Variants in MDGA2 observed in about 807,000 individuals in gnomAD.
MDGA2 encodes the protein MAM domain containing glycosylphosphatidylinositol anchor 2, also known as MAM domain-containing glycosylphosphatidylinositol anchor protein 2.
A neutral mutation model predicts 117.8 loss-of-function variants in MDGA2; 40 were observed. That is an observed-to-expected ratio of 0.34 (90% CI 0.26 to 0.44). The LOEUF is 0.44. Among genes scored for constraint, MDGA2 ranks in the 20% least tolerant of loss-of-function variants. MDGA2 has a pLI of 1.00. For missense variants in MDGA2, 1,123 were observed against 1,250.6 expected (o/e 0.90, Z 1.54); for synonymous variants, 452 against 439.0 (o/e 1.03, Z -0.37).
intron 9 of MDGA2, among the ~76,000 whole-genome samples, chr14:46,924,595 T>C (rs1028099191): frequency 1.3e-5 from 2 of 152,014 alleles, no homozygotes; most frequent in African/African-American, 4.8e-5. Flanking sequence ...AGACAATACA[T>C]AGCTAATACA....
intron 2 of MDGA2, among the ~76,000 whole-genome samples, chr14:47,295,124 T>G (rs1889019907): frequency 6.6e-6 from 1 of 152,226 alleles, no homozygotes; most frequent in African/African-American, 2.4e-5. Flanking sequence ...CTTTCAAAAA[T>G]ATTTTAGTGA....
chr14:46,848,921 C>T (rs893350486), intron 15 of MDGA2, among the ~76,000 whole-genome samples: 3 of 151,966 alleles, frequency 2.0e-5, no homozygotes, highest in Admixed American at 2.0e-4. Context: ...ATGAATATTT[C>T]ACCCCTTGGT....
chr14:47,650,166 C>T (rs1051065167), intron 1 of MDGA2, among the ~76,000 whole-genome samples: 2 of 151,620 alleles, frequency 1.3e-5, no homozygotes, highest in African/African-American at 4.8e-5. Flanking sequence ...CAAACTGAGA[C>T]ATCATGTTTT....
At chr14:47,509,523 G>A (rs1894593927) in intron 1 of MDGA2, among the ~76,000 whole-genome samples, 1 of 152,140 alleles carries the variant, frequency 6.6e-6, no homozygotes, top group Non-Finnish European at 1.5e-5. Flanking sequence ...ATGACGACCT[G>A]GCACAGCCAC....
intron 10 of MDGA2, 84 bp downstream of exon 10, chr14:46,919,928 C>A: frequency 8.0e-7 from 1 of 1,242,688 alleles, no homozygotes; most frequent in Non-Finnish European, 1.1e-6. Flanking sequence ...TTTTGGAATT[C>A]ATGCAAAACT....
chr14:47,425,824 T>C (rs1427564172), intron 1 of MDGA2, among the ~76,000 whole-genome samples: 8 of 152,106 alleles, frequency 5.3e-5, no homozygotes, highest in Non-Finnish European at 1.0e-4. Flanking sequence ...CTTTCCTTTA[T>C]GTAAAAGTCT....
rs1302314870 is a variant in MDGA2 at position 47,091,816 on chromosome 14, G to A, written c.1195+5038C>T. Among the ~76,000 whole-genome samples, 5 of 152,006 alleles carry A rather than the reference G, an allele frequency of 3.3e-5. No homozygotes were observed. The East Asian group carries it at 5.8e-4, about 18-fold the overall frequency. On this transcript the variant is annotated intron_variant, in intron 6 of 16. Transcript: ENST00000399232. ...CCATTCAAGCTCCGTCCCATTTCCCGATGACAGGGATGGAGGCAACATCCA... is the reference window on the plus strand; with the variant it reads ...CCATTCAAGCTCCGTCCCATTTCCCAATGACAGGGATGGAGGCAACATCCA...
At chr14:47,627,347 A>G (rs535510322) in intron 1 of MDGA2, among the ~76,000 whole-genome samples, 1 of 151,390 alleles carries the variant, frequency 6.6e-6, no homozygotes. Flanking sequence ...GAATGCACCA[A>G]CTGGCACTCT....
chr14:47,488,518 AG>A (rs1427670147), intron 1 of MDGA2, among the ~76,000 whole-genome samples: 2 of 152,172 alleles, frequency 1.3e-5, no homozygotes, highest in African/African-American at 4.8e-5. Flanking sequence ...TTAGCATAAT[AG>A]ATTTTAAGGG....
At chr14:46,879,607 C>T (rs1436804483) in intron 11 of MDGA2, among the ~76,000 whole-genome samples, 3 of 152,114 alleles carry the variant, frequency 2.0e-5, no homozygotes, top group African/African-American at 7.2e-5. Context: ...TCAATAACCA[C>T]TACTAAGCTA....
intron 7 of MDGA2, among the ~76,000 whole-genome samples, chr14:47,056,270 A>C (rs988611018): frequency 3.3e-5 from 5 of 152,062 alleles, no homozygotes; most frequent in Admixed American, 1.3e-4. Context: ...TGTGTACTGT[A>C]GTCCTGTGTT....
intron 2 of MDGA2, among the ~76,000 whole-genome samples, chr14:47,240,057 T>C (rs1886988792): frequency 6.6e-6 from 1 of 151,580 alleles, no homozygotes; most frequent in Non-Finnish European, 1.5e-5. Context: ...TTTTTGCTGT[T>C]TTTTTTTGAG....
chr14:47,602,732 A>G (rs1250092529), intron 1 of MDGA2, among the ~76,000 whole-genome samples: 1 of 152,212 alleles, frequency 6.6e-6, no homozygotes, highest in African/African-American at 2.4e-5. Context: ...CATGCAAACC[A>G]GACAAAAGAG....
intron 1 of MDGA2, among the ~76,000 whole-genome samples, chr14:47,605,645 T>TG (rs1216804414): frequency 6.6e-6 from 1 of 150,984 alleles, no homozygotes; most frequent in Non-Finnish European, 1.5e-5. Context: ...ATGGTTACAA[T>TG]GAAAAAAAAA....
intron 1 of MDGA2, among the ~76,000 whole-genome samples, chr14:47,498,975 C>T (rs1172126452): frequency 6.6e-6 from 1 of 152,012 alleles, no homozygotes; most frequent in Non-Finnish European, 1.5e-5. Context: ...GAAGTAGTCA[C>T]TCAATATTTT....
intron 1 of MDGA2, among the ~76,000 whole-genome samples, chr14:47,527,604 GT>G (rs1490217912): frequency 5.9e-5 from 9 of 152,196 alleles, no homozygotes; most frequent in African/African-American, 2.2e-4. Context: ...AGGTTGGGTA[GT>G]TAGAAAAGAG....
At chr14:47,060,942 A>G (rs1889860343) in intron 7 of MDGA2, among the ~76,000 whole-genome samples, 1 of 151,932 alleles carries the variant, frequency 6.6e-6, no homozygotes, top group Non-Finnish European at 1.5e-5. Flanking sequence ...TTATTAATAT[A>G]ATTTTAGACT....
chr14:46,909,129 A>G (rs1294420509), intron 10 of MDGA2, among the ~76,000 whole-genome samples: 1 of 152,186 alleles, frequency 6.6e-6, no homozygotes, highest in African/African-American at 2.4e-5. Flanking sequence ...TGTCTGGTGC[A>G]CTTCCTATCT....
chr14:47,317,460 A>G (rs560123697), intron 1 of MDGA2, among the ~76,000 whole-genome samples: 1 of 152,268 alleles, frequency 6.6e-6, no homozygotes, highest in African/African-American at 2.4e-5. Flanking sequence ...ATTATTTTGT[A>G]TCTTCTTGAG....
Sources: allele counts gnomAD v4.1 joint callset (sites outside exome capture counted in the v4.1 genomes callset), GRCh38; gene constraint gnomAD v4.1.1; transcripts MANE v1.5; gene names NCBI Gene and HGNC (gene_info 2026-07-23, HGNC 2026-07-21).